ELOA: variants seen among roughly 807,000 people sequenced by gnomAD.
The protein encoded by ELOA is elongin-A.
In ELOA, 15 loss-of-function variants were observed where a neutral mutation model predicts 85.2. The ratio of observed to expected loss-of-function variants is 0.18; its 90% CI spans 0.12 to 0.27. The LOEUF is 0.27. Among genes scored for constraint, ELOA ranks in the 10% least tolerant of loss-of-function variants. ELOA has a pLI of 1.00. For synonymous variants in ELOA, 348 were observed against 357.2 expected (o/e 0.97, Z 0.29); for missense variants, 769 against 952.7 (o/e 0.81, Z 2.54).
At chr1:23,749,114 A>G in intron 2 of ELOA, 37 bp downstream of exon 2, 1 of 1,537,260 alleles carries the variant, frequency 6.5e-7, no homozygotes, top group East Asian at 2.3e-5. Flanking sequence ...ATATAATGAT[A>G]TCCCATTCCC....
intron 1 of ELOA, among the ~76,000 whole-genome samples, chr1:23,746,335 C>T (rs996708781): frequency 6.7e-6 from 1 of 148,762 alleles, no homozygotes; most frequent in Non-Finnish European, 1.5e-5. Flanking sequence ...TGGCCGGGCG[C>T]AGTGGCTCAC....
chr1:23,755,947 G>A lies in ELOA; in HGVS notation c.1896G>A (p.Arg632=), dbSNP rs762248005. The change falls in exon 8 of 11, where the codon CGG becomes CGA. Residue 632 remains arginine, a synonymous_variant. Transcript: ENST00000613537. ...AGTCGTGGCGAGAGATGTACCTGCG[G>A]CTTCAGGACGCCCGAGAGCAGCGGC... The part of the protein sequence containing the change: ...EYESWREMYL[R]LQDAREQRLR... The A allele has an allele frequency of 6.2e-7, 1 of 1,613,738 alleles. No homozygotes were observed. The highest frequency in any genetic ancestry group is 1.3e-5 in the African/African-American group (1 of 74,778).
At chr1:23,758,255 ATTTATTTTTTTTTTTTT>A (rs1638235812) in intron 10 of ELOA, among the ~76,000 whole-genome samples, 14 of 36,192 alleles carry the variant, frequency 3.9e-4, no homozygotes, top group African/African-American at 1.8e-3. Flanking sequence ...CAATTTATTT[ATTTATTTTTTTTTTTTT>A]TTTTTTTTTT....
rs559076647 is a variant in ELOA, at chr1:23,751,935, A to C, written c.1330A>C (p.Thr444Pro). ...KGLKKNDSKS[T>P]GKNLDSVQKL... ...ACTTAAAAAAAATGACTCTAAAAGCACTGGTAAAAACTTGGACTCAGTTCA... is the reference window on the plus strand; with the variant it reads ...ACTTAAAAAAAATGACTCTAAAAGCCCTGGTAAAAACTTGGACTCAGTTCA... Residue 444 changes from threonine to proline, a missense_variant, in exon 4 of 11, where the codon ACT becomes CCT. By Grantham distance (38) the Thr-to-Pro change is conservative (BLOSUM62 -1). Transcript: ENST00000613537. The C allele has an allele frequency of 2.0e-5, 32 of 1,613,734 alleles. No individual in the cohort carries two copies. In the East Asian group the frequency reaches 6.2e-4, roughly 31 times the overall value.
chr1:23,758,395 T>C (rs897132032), intron 10 of ELOA, among the ~76,000 whole-genome samples: 1 of 144,014 alleles, frequency 6.9e-6, no homozygotes, highest in East Asian at 2.2e-4. Context: ...TGCCTCAGCC[T>C]CCCAAGTAGC....
intron 10 of ELOA, among the ~76,000 whole-genome samples, chr1:23,758,956 C>T (rs1638252027): frequency 6.6e-6 from 1 of 152,150 alleles, no homozygotes; most frequent in Non-Finnish European, 1.5e-5. Flanking sequence ...CCTGTAATCC[C>T]AGCACTTTGG....
At chr1:23,755,722 G>T (rs2148387891) in intron 7 of ELOA, 121 bp from the exon 8 acceptor site, 4 of 977,190 alleles carry the variant, frequency 4.1e-6, no homozygotes, top group African/African-American at 3.3e-5. Flanking sequence ...AAGGGTTGCA[G>T]TGAACCAAAA....
At chr1:23,750,813 A>G in intron 3 of ELOA, 32 bp from the exon 4 acceptor site, 2 of 1,525,666 alleles carry the variant, frequency 1.3e-6, no homozygotes, top group Non-Finnish European at 1.8e-6. Flanking sequence ...CAAGATTTAG[A>G]CCTACTTTGT....
intron 1 of ELOA, 136 bp from the exon 2 acceptor site, chr1:23,748,885 G>T: frequency 3.2e-6 from 2 of 620,672 alleles, no homozygotes; most frequent in Non-Finnish European, 2.7e-6. Context: ...TTGTAAAATA[G>T]GGATATTACT....
rs572549516 is a variant in ELOA, at chr1:23,751,524, A to T, written c.919A>T (p.Ser307Cys). Reference protein sequence around the residue: ...GVKKEKDREGSSLKKKCLPPS... With the variant: ...GVKKEKDREGCSLKKKCLPPS... ...AAAGAAAGAGAAGGACAGAGAGGGC[A>T]GCAGCCTGAAGAAGAAGTGTTTGCC... Residue 307 changes from serine to cysteine, a missense_variant, in exon 4 of 11, where the codon AGC becomes TGC. Ser to Cys is a moderately radical substitution (Grantham distance 112). Around this residue, in one of 4 missense-constraint regions of ELOA, gnomAD observed 440 missense variants for 474.0 expected, o/e 0.93. Coordinates refer to ENST00000613537, the MANE Select transcript of ELOA (RefSeq NM_003198.3). 3 of 1,614,158 alleles carry T rather than the reference A, an allele frequency of 1.9e-6. No individual in the cohort carries two copies. In the South Asian group the frequency reaches 3.3e-5, roughly 18 times the overall value.
Position 23,751,521 on chromosome 1 carries a change from G to A in ELOA, c.916G>A (p.Gly306Ser). The part of the protein sequence containing the change: ...SGVKKEKDRE[G>S]SSLKKKCLPP... ...CGTAAAGAAAGAGAAGGACAGAGAG[G>A]GCAGCAGCCTGAAGAAGAAGTGTTT... Residue 306 changes from glycine to serine, a missense_variant, in exon 4 of 11, where the codon GGC (glycine) becomes AGC (serine). Coordinates refer to ENST00000613537, the MANE Select transcript of ELOA (RefSeq NM_003198.3). The A allele has an allele frequency of 6.2e-7, 1 of 1,614,094 alleles. No individual in the cohort carries two copies. Among genetic ancestry groups the A allele is most frequent in the Non-Finnish European group, 8.5e-7 (1 of 1,180,036 alleles).
Position 23,749,849 on chromosome 1 carries a change from G to C in ELOA, c.140G>C (p.Gly47Ala), listed in dbSNP as rs150115720. The change falls in exon 3 of 11, where the codon GGG becomes GCG. Residue 47 changes from glycine (G) to alanine (A), a missense_variant. Coordinates refer to ENST00000613537, the MANE Select transcript of ELOA (RefSeq NM_003198.3). ...TACTTTGTCAAATTTTAGGAGACTG[G>C]GGTTGGGAAAACAGTAAATAGCTTG... The part of the protein sequence containing the change: ...PITVDILAET[G>A]VGKTVNSLRK... 10 of 1,613,618 alleles carry C rather than the reference G, an allele frequency of 6.2e-6. No individual in the cohort carries two copies. Among genetic ancestry groups the C allele is most frequent in the African/African-American group, 1.3e-5 (1 of 74,904 alleles).
Position 23,758,268 on chromosome 1 carries a change from T to A in ELOA, c.2257+1143T>A, listed in dbSNP as rs1222961228. ...TCCAATTTATTTATTTATTTTTTTT[T>A]TTTTTTTTTTTTTTTTTTTTTTGGA... On this transcript the variant is annotated intron_variant, in intron 10 of 10. Coordinates refer to ENST00000613537, the MANE Select transcript of ELOA (RefSeq NM_003198.3). 1.4e-3 allele frequency among the ~76,000 whole-genome samples: 125 copies of A among 89,470 alleles called. 1 individual carries two copies. Among genetic ancestry groups the A allele is most frequent in the African/African-American group, 4.9e-3 (99 of 20,150 alleles). The allele number at this position is 89,470 out of a possible 152,430, so 58.7% of individuals were successfully genotyped here. A position where few individuals can be genotyped will look rare whatever the true frequency, so the allele number is the denominator to read the frequency against.
At position 23,751,370 on chromosome 1, in the gene ELOA, G is replaced by A; in HGVS notation, c.765G>A (p.Val255=). 6.2e-7 allele frequency: 1 copy of A among 1,614,220 alleles called. No individual in the cohort carries two copies. Among genetic ancestry groups the A allele is most frequent in the African/African-American group, 1.3e-5 (1 of 75,060 alleles). The change falls in exon 4 of 11, where the codon GTG becomes GTA. Residue 255 remains valine (V), a synonymous_variant. Transcript: ENST00000613537. ...HKSSHKDKRP[V]DAKSDEKASV... ...CTTCCCACAAGGACAAACGCCCCGTGGATGCCAAGAGTGATGAGAAGGCCT... is the reference window on the plus strand; with the variant it reads ...CTTCCCACAAGGACAAACGCCCCGTAGATGCCAAGAGTGATGAGAAGGCCT...
chr1:23,752,060 C>T, intron 4 of ELOA, 30 bp downstream of exon 4: 1 of 1,550,326 alleles, frequency 6.5e-7, no homozygotes, highest in Non-Finnish European at 8.7e-7. Context: ...GGTGGCTTCC[C>T]ACCCAGAGCA....
At chr1:23,756,931 C>CA (rs754648441) in intron 9 of ELOA, 22 bp from the exon 10 acceptor site, 7 of 1,470,250 alleles carry the variant, frequency 4.8e-6, no homozygotes, top group Non-Finnish European at 6.3e-6. Flanking sequence ...TCATGCCTAA[C>CA]CAGTGTTGTC....
intron 7 of ELOA, among the ~76,000 whole-genome samples, chr1:23,755,486 AG>A (rs1300756930): frequency 6.6e-6 from 1 of 152,172 alleles, no homozygotes; most frequent in African/African-American, 2.4e-5. Flanking sequence ...TTAAATAATC[AG>A]AAAAAGATAT....
intron 5 of ELOA, among the ~76,000 whole-genome samples, chr1:23,752,931 GAA>G (rs997162548): frequency 1.3e-5 from 2 of 151,850 alleles, no homozygotes; most frequent in Admixed American, 1.3e-4. Context: ...TGACAAGAGG[GAA>G]ACTCTATTTC....
Position 23,753,364 on chromosome 1 carries a change from G to A in ELOA, c.1538-736G>A, listed in dbSNP as rs1362794841. Among the ~76,000 whole-genome samples, 3 of 152,180 alleles carry A rather than the reference G, an allele frequency of 2.0e-5. No individual in the cohort carries two copies. The East Asian group carries it at 5.8e-4, about 29-fold the overall frequency. ...TCTGCCCCATAGGGCTCAGTTTAAT[G>A]AATTCAGAAGTGATGCCTTTTTGCT... On this transcript the variant is annotated intron_variant, in intron 5 of 10. Transcript: ENST00000613537.
Sources: gnomAD v4.1 joint callset for allele counts (sites outside exome capture counted in the v4.1 genomes callset) on GRCh38, gnomAD v4.1.1 for gene constraint, gnomAD v4.1.1 regional missense constraint, MANE v1.5 for transcripts, NCBI Gene and HGNC (gene_info 2026-07-23, HGNC 2026-07-21) for gene names.